ESPNL: variants seen among roughly 807,000 people sequenced by gnomAD.
ESPNL encodes espin like, also known as espin-like protein.
In ESPNL, 49 loss-of-function variants were observed where a neutral mutation model predicts 46.8. That is an observed-to-expected ratio of 1.05 (90% CI 0.83 to 1.33). The LOEUF is 1.33. Among genes scored for constraint, ESPNL ranks in the 40% most tolerant of loss-of-function variants. ESPNL has a pLI of 0.00. For synonymous variants in ESPNL, 664 were observed against 662.1 expected (o/e 1.00, Z -0.04); for missense variants, 1,540 against 1,436.6 (o/e 1.07, Z -1.16).
At chr2:238,126,042 T>G in intron 6 of ESPNL, among the ~76,000 whole-genome samples, 1 of 147,590 alleles carries the variant, frequency 6.8e-6, no homozygotes, top group South Asian at 2.3e-4. Flanking sequence ...GTCTGTGTGA[T>G]TATGTCTGTG....
intron 5 of ESPNL, among the ~76,000 whole-genome samples, chr2:238,120,016 C>T (rs1691951662): frequency 6.6e-6 from 1 of 152,194 alleles, no homozygotes; most frequent in African/African-American, 2.4e-5. Context: ...CACGGCTCTG[C>T]CCTGGTTTTT....
chr2:238,100,765 A>G (rs887454604), intron 1 of ESPNL, 52 bp downstream of exon 1: 2 of 1,378,756 alleles, frequency 1.5e-6, no homozygotes, highest in Non-Finnish European at 1.9e-6. Context: ...GGGTGGAACC[A>G]GGGAGGTGTG....
intron 5 of ESPNL, among the ~76,000 whole-genome samples, chr2:238,124,072 C>T (rs938532503): frequency 1.3e-5 from 2 of 152,214 alleles, no homozygotes; most frequent in Non-Finnish European, 2.9e-5. Context: ...GAAAGGAGAA[C>T]GAATTTGAAG....
intron 8 of ESPNL, 79 bp downstream of exon 8, chr2:238,128,983 C>G (rs988222712): frequency 6.1e-6 from 9 of 1,483,530 alleles, no homozygotes; most frequent in Non-Finnish European, 7.2e-6. Context: ...TCAGGGCGCC[C>G]GAAGCCCAGA....
Position 238,131,827 on chromosome 2 carries a change from C to G in ESPNL, c.*95C>G. 1 of 1,375,910 alleles carries G rather than the reference C, an allele frequency of 7.3e-7. No individual in the cohort carries two copies. The highest frequency in any genetic ancestry group is 2.3e-5 in the East Asian group (1 of 43,204). The allele number at this position is 1,375,910 out of a possible 1,614,324, so 85.2% of individuals were successfully genotyped here. ...CTCACACCCTTGGTGTTCAGGTGAGCCGGGCAAGGCTGCCTCCAGTCCTAC... is the reference window on the plus strand; with the variant it reads ...CTCACACCCTTGGTGTTCAGGTGAGGCGGGCAAGGCTGCCTCCAGTCCTAC... On this transcript the variant is annotated 3_prime_UTR_variant, in exon 9 of 9. Transcript: ENST00000343063.
At position 238,127,674 on chromosome 2, in the gene ESPNL, G is replaced by A. The variant is rs747670060; in HGVS notation, c.1155G>A (p.Arg385=). Residue 385 remains arginine, a synonymous_variant, in exon 7 of 9, where the codon AGG becomes AGA. Coordinates refer to ENST00000343063, the MANE Select transcript of ESPNL (RefSeq NM_194312.4). ...WPGHPDQPLP[R]EQMTSPAPPR... ...GCCATCCTGACCAGCCTCTTCCCAGGGAGCAGATGACCAGCCCGGCCCCTC... is the reference window on the plus strand; with the variant it reads ...GCCATCCTGACCAGCCTCTTCCCAGAGAGCAGATGACCAGCCCGGCCCCTC... 10 of 1,612,918 alleles carry A rather than the reference G, an allele frequency of 6.2e-6. No individual in the cohort carries two copies. Among genetic ancestry groups the A allele is most frequent in the Non-Finnish European group, 8.5e-6 (10 of 1,179,640 alleles).
chr2:238,102,869 G>C (rs1004342719), intron 2 of ESPNL, among the ~76,000 whole-genome samples: 3 of 152,084 alleles, frequency 2.0e-5, no homozygotes, highest in Non-Finnish European at 4.4e-5. Context: ...TTCTCTTTTC[G>C]AGGCAGCATC....
chr2:238,112,661 T>G lies in ESPNL; in HGVS notation c.856-4242T>G, dbSNP rs73098377. ...TATAAATTTTCCTCTAAGTACTGCT[T>G]TAGCTGTATCCCACTGTTTGATAAT... On this transcript the variant is annotated intron_variant, in intron 4 of 8. Transcript: ENST00000343063. 8.3e-3 allele frequency among the ~76,000 whole-genome samples: 1,272 copies of G among 152,356 alleles called. 22 individuals are homozygous for G. The highest frequency in any genetic ancestry group is 0.028 in the African/African-American group (1,165 of 41,586).
In ESPNL at chr2:238,131,135, G is replaced by C. The variant is rs1394040313; in HGVS notation, c.2421G>C (p.Leu807=). 6.5e-7 allele frequency: 1 copy of C among 1,545,904 alleles called. No homozygotes were observed. The highest frequency in any genetic ancestry group is 2.0e-5 in the Admixed American group (1 of 51,174). The change falls in exon 9 of 9, where the codon CTG becomes CTC. Residue 807 remains leucine, a synonymous_variant. Coordinates refer to ENST00000343063, the MANE Select transcript of ESPNL (RefSeq NM_194312.4). ...LWQQRSTITH[L]LGNWKAIMAH... ...AGCAGCGCAGCACCATCACCCACCT[G>C]CTGGGCAACTGGAAGGCCATCATGG...
intron 6 of ESPNL, among the ~76,000 whole-genome samples, chr2:238,127,125 GTGTC>G (rs953141594): frequency 6.6e-6 from 1 of 150,668 alleles, no homozygotes; most frequent in Non-Finnish European, 1.5e-5. Flanking sequence ...GATTGTGTCT[GTGTC>G]TGTGTGATTG....
At chr2:238,105,015 G>A (rs1243157100) in intron 3 of ESPNL, among the ~76,000 whole-genome samples, 173 bp downstream of exon 3, 1 of 152,062 alleles carries the variant, frequency 6.6e-6, no homozygotes, top group Non-Finnish European at 1.5e-5. Context: ...GGCCAGGCTG[G>A]GCCCCAGAAG....
At chr2:238,128,382 A>G (rs1288975211) in intron 7 of ESPNL, among the ~76,000 whole-genome samples, 1 of 152,196 alleles carries the variant, frequency 6.6e-6, no homozygotes, top group East Asian at 1.9e-4. Flanking sequence ...GCCCAGAGCA[A>G]GTTTGCCCAG....
intron 8 of ESPNL, 90 bp downstream of exon 8, chr2:238,128,994 A>G (rs13025263): frequency 0.25 from 368,684 of 1,469,442 alleles, 50,429 homozygotes; most frequent in Middle Eastern, 0.29. Context: ...GAAGCCCAGA[A>G]CTGAATCCAA....
chr2:238,125,055 G>A (rs1422690904), intron 5 of ESPNL, among the ~76,000 whole-genome samples: 1 of 152,072 alleles, frequency 6.6e-6, no homozygotes, highest in East Asian at 1.9e-4. Context: ...ACCAAGGTGG[G>A]GTGCCAGGAA....
At chr2:238,122,350 A>T (rs1399472838) in intron 5 of ESPNL, among the ~76,000 whole-genome samples, 1 of 152,252 alleles carries the variant, frequency 6.6e-6, no homozygotes, top group African/African-American at 2.4e-5. Flanking sequence ...GGGTGGCAGC[A>T]GCGTCAAGGT....
intron 7 of ESPNL, among the ~76,000 whole-genome samples, chr2:238,127,995 A>G (rs1275471543): frequency 6.6e-6 from 1 of 152,182 alleles, no homozygotes; most frequent in Admixed American, 6.5e-5. Flanking sequence ...GCAGTGGCCC[A>G]GGCCCCTCTC....
chr2:238,130,996 T>A lies in ESPNL; in HGVS notation c.2282T>A (p.Val761Glu), dbSNP rs4663845. Residue 761 changes from valine to glutamate, a missense_variant, in exon 9 of 9, where the codon GTG becomes GAG. Transcript: ENST00000343063. ...GCCTACACGCCGGCCCTCAAGACAG[T>A]GGCCTGCAGGACCCTAGGAGCCCGC... ...RSAYTPALKT[V>E]ACRTLGARHA... is the part of the protein sequence containing the mutation. 2.6e-6 allele frequency: 4 copies of A among 1,545,008 alleles called. No homozygotes were observed. Among genetic ancestry groups the A allele is most frequent in the Non-Finnish European group, 2.6e-6 (3 of 1,145,782 alleles).
At chr2:238,104,961 G>T (rs1458898511) in intron 3 of ESPNL, 119 bp downstream of exon 3, 2 of 905,192 alleles carry the variant, frequency 2.2e-6, no homozygotes, top group Admixed American at 3.5e-5. Flanking sequence ...GGCTGTTGGG[G>T]CATCCGATGA....
chr2:238,116,527 T>C (rs546188934), intron 4 of ESPNL, among the ~76,000 whole-genome samples: 2 of 152,284 alleles, frequency 1.3e-5, no homozygotes, highest in African/African-American at 2.4e-5. Context: ...CTTGTCTCTC[T>C]GAGCCTCGTC....
Sources: gnomAD v4.1 joint callset for allele counts (sites outside exome capture counted in the v4.1 genomes callset) on GRCh38, gnomAD v4.1.1 for gene constraint, MANE v1.5 for transcripts, NCBI Gene and HGNC (gene_info 2026-07-23, HGNC 2026-07-21) for gene names.